ICE2: variants seen among roughly 807,000 people sequenced by gnomAD.
ICE2 encodes the protein little elongation complex subunit 2.
A neutral mutation model predicts 105.4 loss-of-function variants in ICE2; 87 were observed. That is an observed-to-expected ratio of 0.83 (90% CI 0.69 to 0.99). The LOEUF (loss-of-function observed/expected upper bound fraction) is 0.99, where lower values mean the gene tolerates loss of function less well. Among genes scored for constraint, ICE2 ranks in the 50% least tolerant of loss-of-function variants. ICE2 has a pLI of 0.00. For missense variants in ICE2, 1,323 were observed against 1,146.7 expected (o/e 1.15, Z -2.22); for synonymous variants, 399 against 392.0 (o/e 1.02, Z -0.21).
chr15:60,466,682 G>C lies in ICE2; in HGVS notation c.440C>G (p.Thr147Ser). 6.2e-7 allele frequency: 1 copy of C among 1,609,182 alleles called. No individual in the cohort carries two copies. ...DMKKHVNEEV[T>S]EFLKFLQNSA... ...ATTCTGCAAAAACTTTAGGAACTCA[G>C]TAACTTCTTCGTTCACATGTTTTTT... Residue 147 changes from threonine to serine, a missense_variant, in exon 5 of 16, where the codon ACT (threonine) becomes AGT (serine). By Grantham distance (58) the Thr-to-Ser change is moderately conservative (BLOSUM62 1). Transcript: ENST00000261520.
At chr15:60,424,200 C>A (rs978400669) in intron 15 of ICE2, among the ~76,000 whole-genome samples, 1 of 148,802 alleles carries the variant, frequency 6.7e-6, no homozygotes, top group Middle Eastern at 3.4e-3. Context: ...ATTACATGGA[C>A]AAACAAGAAA....
chr15:60,462,743 C>T (rs1280111113), intron 5 of ICE2, among the ~76,000 whole-genome samples: 2 of 152,124 alleles, frequency 1.3e-5, no homozygotes, highest in African/African-American at 4.8e-5. Flanking sequence ...CTCTCTCTCC[C>T]TCTATATACA....
intron 12 of ICE2, chr15:60,441,213 C>T (rs1213860694): frequency 1.3e-5 from 2 of 152,126 alleles, no homozygotes; most frequent in African/African-American, 2.4e-5. Context: ...AAAATTACTA[C>T]AAAAACTTCG....
At chr15:60,431,266 T>C (rs934265015) in intron 14 of ICE2, among the ~76,000 whole-genome samples, 1 of 152,116 alleles carries the variant, frequency 6.6e-6, no homozygotes, top group African/African-American at 2.4e-5. Context: ...GTCCTTATGC[T>C]AATCACCAGA....
intron 15 of ICE2, 91 bp downstream of exon 15, chr15:60,428,338 A>G (rs1187541441): frequency 3.8e-6 from 5 of 1,333,038 alleles, no homozygotes; most frequent in African/African-American, 1.5e-5. Flanking sequence ...TAATATGACA[A>G]TGAGAACATC....
intron 11 of ICE2, 64 bp from the exon 12 acceptor site, chr15:60,442,609 G>T: frequency 7.7e-7 from 1 of 1,297,100 alleles, no homozygotes; most frequent in Non-Finnish European, 1.1e-6. Context: ...AAATACATTT[G>T]CCTATACAGC....
chr15:60,461,721 T>C (rs2064283961), intron 5 of ICE2, among the ~76,000 whole-genome samples: 1 of 152,224 alleles, frequency 6.6e-6, no homozygotes, highest in African/African-American at 2.4e-5. Flanking sequence ...TTTAAATCTA[T>C]TTCCTAGTTC....
chr15:60,478,838 G>A (rs1008570983), intron 1 of ICE2, 165 bp downstream of exon 1: 12 of 402,132 alleles, frequency 3.0e-5, no homozygotes, highest in African/African-American at 2.3e-4. Flanking sequence ...CAGAAAAGCA[G>A]GTAAAAGGGC....
chr15:60,476,016 A>C (rs1595830670), intron 3 of ICE2, 47 bp downstream of exon 3: 1 of 1,279,994 alleles, frequency 7.8e-7, no homozygotes, highest in East Asian at 2.4e-5. Flanking sequence ...AACTATCAGA[A>C]AAACGACCAT....
chr15:60,456,104 T>A (rs2064103272), intron 6 of ICE2, among the ~76,000 whole-genome samples: 1 of 151,660 alleles, frequency 6.6e-6, no homozygotes, highest in South Asian at 2.1e-4. Flanking sequence ...AGATGGGTGG[T>A]AAGAAAAGAA....
rs2063240255 is a variant in ICE2 at position 60,421,253 on chromosome 15, T to TCACCC, written c.*2376_*2380dup. The TCACCC allele has an allele frequency of 1.3e-5, 2 of 151,376 alleles. No individual in the cohort carries two copies. The highest frequency in any genetic ancestry group is 1.3e-4 in the Admixed American group (2 of 15,186). The allele number at this position is 151,376 out of a possible 1,614,324, so 9.4% of individuals were successfully genotyped here. A position where few individuals can be genotyped will look rare whatever the true frequency, so the allele number is the denominator to read the frequency against. On this transcript the variant is annotated 3_prime_UTR_variant, in exon 16 of 16. Coordinates refer to ENST00000261520, the MANE Select transcript of ICE2 (RefSeq NM_024611.6). The stretch of plus-strand genomic sequence containing the variant: ...TTTTTTGAGATAGGGTCTTGATCTC[T>TCACCC]CACCCAGGATGGAGTGCAGTGGCAC...
intron 9 of ICE2, chr15:60,453,038 C>T (rs1456768490): frequency 1.2e-6 from 1 of 825,740 alleles, no homozygotes; most frequent in Non-Finnish European, 1.5e-6. Flanking sequence ...TGAGACCAGC[C>T]AGGCCAACAT....
chr15:60,428,404 C>T lies in ICE2; in HGVS notation c.2820+25G>A, dbSNP rs79295158. ...GACGAATAATAAACAACCTAATGAA[C>T]CTTTAATTTCAAAAAAGATCTTACC... On this transcript the variant is annotated intron_variant, in intron 15 of 15. Transcript: ENST00000261520. The T allele has an allele frequency of 5.9e-3, 9,436 of 1,603,336 alleles. 279 individuals are homozygous for T. In the African/African-American group the frequency reaches 0.082, roughly 14 times the overall value.
chr15:60,455,034 A>C lies in ICE2; in HGVS notation c.912T>G (p.Ile304Met), dbSNP rs1193430583. 1 of 1,575,798 alleles carries C rather than the reference A, an allele frequency of 6.3e-7. No individual in the cohort carries two copies. Among genetic ancestry groups the C allele is most frequent in the Non-Finnish European group, 8.6e-7 (1 of 1,168,280 alleles). ...CAGGTATTACTTGAATACACACTGG[A>C]ATTTCCCACTGTTCCTTGTACGTTG... ...HGPTYKEQWE[I>M]PVCIQVIPVA... Residue 304 changes from isoleucine to methionine, a missense_variant, in exon 8 of 16, where the codon ATT becomes ATG. By Grantham distance (10) the Ile-to-Met change is conservative. Transcript: ENST00000261520.
intron 15 of ICE2, among the ~76,000 whole-genome samples, chr15:60,424,420 A>ATGGGCAAAGGGGAAGAGGGGGAGTAGAG (rs56371232): frequency 1.3e-5 from 2 of 149,336 alleles, no homozygotes; most frequent in Non-Finnish European, 3.0e-5. Flanking sequence ...AATACAGAGG[A>ATGGGCAAAGGGGAAGAGGGGGAGTAGAG]TGGGGGAAGG....
At chr15:60,477,887 C>G in intron 2 of ICE2, 50 bp downstream of exon 2, 1 of 1,460,634 alleles carries the variant, frequency 6.8e-7, no homozygotes, top group South Asian at 1.1e-5. Context: ...TGTCAACCAT[C>G]AGCCCCACTA....
intron 9 of ICE2, chr15:60,452,208 A>G (rs2063983156): frequency 1.1e-6 from 1 of 944,640 alleles, no homozygotes; most frequent in African/African-American, 1.8e-5. Flanking sequence ...TATGTATCAT[A>G]AAAATATTAA....
intron 9 of ICE2, chr15:60,452,646 A>C (rs1449459829): frequency 1.2e-5 from 2 of 162,004 alleles, no homozygotes; most frequent in Non-Finnish European, 2.6e-5. Flanking sequence ...AATGTATTTA[A>C]AAATAATGGA....
At chr15:60,430,243 G>A (rs146866843) in intron 14 of ICE2, among the ~76,000 whole-genome samples, 54 of 152,268 alleles carry the variant, frequency 3.5e-4, no homozygotes, top group African/African-American at 8.7e-4. Context: ...TTAACTTGGC[G>A]TTGTAACTTT....
Sources: gnomAD v4.1 joint callset for allele counts (sites outside exome capture counted in the v4.1 genomes callset) on GRCh38, gnomAD v4.1.1 for gene constraint, MANE v1.5 for transcripts, NCBI Gene and HGNC (gene_info 2026-07-23, HGNC 2026-07-21) for gene names.